Variants in ARID3A observed in about 807,000 individuals in gnomAD.
ARID3A encodes the protein AT-rich interaction domain 3A, also known as AT-rich interactive domain-containing protein 3A.
A neutral mutation model predicts 52.7 loss-of-function variants in ARID3A; 11 were observed. The observed-to-expected ratio is 0.21, with a 90% CI of 0.13 to 0.35. ARID3A has a LOEUF of 0.35. ARID3A is among the 10% of genes least tolerant of loss of function. ARID3A has a pLI of 1.00. For synonymous variants in ARID3A, 404 were observed against 359.4 expected, an observed-to-expected ratio of 1.12 and a Z score of -1.40; for missense variants, 721 against 838.5, an observed-to-expected ratio of 0.86 and a Z score of 1.73.
chr19:952,750 G>C (rs891961914), intron 3 of ARID3A, among the ~76,000 whole-genome samples: 1 of 152,066 alleles, frequency 6.6e-6, no homozygotes, highest in Non-Finnish European at 1.5e-5. Flanking sequence ...TGGGAGACTG[G>C]AGGGGGCCTG....
chr19:974,778 G>A lies in ARID3A; in HGVS notation c.*2713G>A, dbSNP rs745715283. ...AATCCTGCGTGTCGTGTCTGTGGGCGATCCGGCCTCCCGGCGGTGGGTGGA... is the reference window on the plus strand; with the variant it reads ...AATCCTGCGTGTCGTGTCTGTGGGCAATCCGGCCTCCCGGCGGTGGGTGGA... On this transcript the variant is annotated 3_prime_UTR_variant, in exon 9 of 9. Transcript: ENST00000263620. 2 of 218,580 alleles carry A rather than the reference G, an allele frequency of 9.1e-6. No individual in the cohort carries two copies. Among genetic ancestry groups the A allele is most frequent in the Middle Eastern group, 1.4e-3 (1 of 696 alleles). 13.5% of individuals were successfully genotyped at this position (218,580 alleles called of 1,614,324 possible).
In ARID3A at chr19:970,717, C is replaced by G. The variant is rs77819124; in HGVS notation, c.1595-1161C>G. Among the ~76,000 whole-genome samples, 781 of 152,042 alleles carry G rather than the reference C, an allele frequency of 5.1e-3. 52 individuals are homozygous for G. The East Asian group carries it at 0.13, about 25-fold the overall frequency. ...CTCGAACTCCTGACTTCGTGATCTG[C>G]TGGTCTTGGCCTCCCAAAGTGCTGG... is the stretch of plus-strand genomic sequence containing the variant. On this transcript the variant is annotated intron_variant, in intron 8 of 8. Transcript: ENST00000263620.
At chr19:927,759 G>A (rs933517146) in intron 1 of ARID3A, among the ~76,000 whole-genome samples, 1 of 152,062 alleles carries the variant, frequency 6.6e-6, no homozygotes, top group African/African-American at 2.4e-5. Context: ...CCTCCGGACC[G>A]CCAGGCTCTC....
chr19:975,045 G>A lies in ARID3A; in HGVS notation c.*2980G>A, dbSNP rs1030916455. ...GCTCCTCCCTGCCTCAGGTGGCCCCGTTCAACCCCAGCCGTGCCCATCTCC... is the reference window on the plus strand; with the variant it reads ...GCTCCTCCCTGCCTCAGGTGGCCCCATTCAACCCCAGCCGTGCCCATCTCC... On this transcript the variant is annotated 3_prime_UTR_variant, in exon 9 of 9. Transcript: ENST00000263620. 3.4e-5 allele frequency: 8 copies of A among 232,334 alleles called. No individual in the cohort carries two copies. The highest frequency in any genetic ancestry group is 1.8e-4 in the South Asian group (1 of 5,530). 14.4% of individuals were successfully genotyped at this position (232,334 alleles called of 1,614,324 possible). A position where few individuals can be genotyped will look rare whatever the true frequency, so the allele number is the denominator to read the frequency against.
rs533720923 is a variant in ARID3A, at chr19:929,481, CGTGGTGGTGGTG to C, written c.-28_-17del. The C allele has an allele frequency of 3.1e-5, 43 of 1,392,706 alleles. No individual in the cohort carries two copies. Among genetic ancestry groups the C allele is most frequent in the South Asian group, 1.5e-4 (11 of 75,688 alleles). The allele number at this position is 1,392,706 out of a possible 1,614,324, so 86.3% of individuals were successfully genotyped here. A position where few individuals can be genotyped will look rare whatever the true frequency, so the allele number is the denominator to read the frequency against. On this transcript the variant is annotated 5_prime_UTR_variant, in exon 2 of 9. Coordinates refer to ENST00000263620, the MANE Select transcript of ARID3A (RefSeq NM_005224.3). The surrounding 1 kb of genome is among the most constrained non-coding windows in gnomAD (Gnocchi z 6.2). ...GCCCCCGCCGCCCACCCCTAGCGCC[CGTGGTGGTGGTG>C]GTGGTGGTGGTGGTGGTGGCCCGGG...
chr19:974,732 G>A lies in ARID3A; in HGVS notation c.*2667G>A, dbSNP rs1452736644. 4.7e-5 allele frequency: 11 copies of A among 231,624 alleles called. No individual in the cohort carries two copies. The highest frequency in any genetic ancestry group is 1.1e-4 in the African/African-American group (5 of 45,162). The allele number at this position is 231,624 out of a possible 1,614,324, so 14.3% of individuals were successfully genotyped here. ...GGTCGAGGGCTGGGTCGTCTCCCTC[G>A]GGCTGCGTGTGTGTGTCGGGAATCC... On this transcript the variant is annotated 3_prime_UTR_variant, in exon 9 of 9. Coordinates refer to ENST00000263620, the MANE Select transcript of ARID3A (RefSeq NM_005224.3).
intron 3 of ARID3A, among the ~76,000 whole-genome samples, chr19:936,782 A>C (rs938716134): frequency 6.6e-6 from 1 of 152,086 alleles, no homozygotes. Flanking sequence ...CAGAGGTTAC[A>C]GTGAGCCGAG....
chr19:964,780 G>A lies in ARID3A; in HGVS notation c.951-53G>A. 6.3e-7 allele frequency: 1 copy of A among 1,578,340 alleles called. No individual in the cohort carries two copies. Among genetic ancestry groups the A allele is most frequent in the East Asian group, 2.3e-5 (1 of 44,380 alleles). On this transcript the variant is annotated intron_variant, in intron 5 of 8. Transcript: ENST00000263620. This position sits in a 1 kb window ranked among gnomAD's most constrained non-coding sequence, Gnocchi z 5.7. ...GGTTTACTTTGTACTGAAGGCCAAA[G>A]AGAGCCGTAGGGGTGACCCGGGTGC...
At chr19:927,078 G>A (rs2037216240) in intron 1 of ARID3A, among the ~76,000 whole-genome samples, 1 of 151,972 alleles carries the variant, frequency 6.6e-6, no homozygotes, top group African/African-American at 2.4e-5. Flanking sequence ...GGAGTGAGGG[G>A]CCCCTTTCGC....
chr19:948,702 C>CT (rs35592836), intron 3 of ARID3A, among the ~76,000 whole-genome samples: 4,465 of 77,260 alleles, frequency 0.058, 293 homozygotes, highest in East Asian at 0.15. Flanking sequence ...GGCCTGGAGT[C>CT]TTTTTTTTTT....
chr19:926,581 T>G (rs969656345), intron 1 of ARID3A, among the ~76,000 whole-genome samples: 2 of 150,638 alleles, frequency 1.3e-5, no homozygotes, highest in African/African-American at 4.9e-5. Flanking sequence ...GGAGGGAGGG[T>G]AGTTCCCGGC....
At chr19:967,039 C>T (rs113694577) in intron 7 of ARID3A, among the ~76,000 whole-genome samples, 171 bp downstream of exon 7, 1 of 152,086 alleles carries the variant, frequency 6.6e-6, no homozygotes, top group Non-Finnish European at 1.5e-5. Context: ...GGGTGGATCA[C>T]TTGAGGTCAG....
At position 973,022 on chromosome 19, in the gene ARID3A, G is replaced by A. The variant is rs570271417; in HGVS notation, c.*957G>A. 109 of 194,518 alleles carry A rather than the reference G, an allele frequency of 5.6e-4. No homozygotes were observed. Among genetic ancestry groups the A allele is most frequent in the African/African-American group, 2.4e-3 (103 of 42,914 alleles). The allele number at this position is 194,518 out of a possible 1,614,324, so 12.0% of individuals were successfully genotyped here. On this transcript the variant is annotated 3_prime_UTR_variant, in exon 9 of 9. Coordinates refer to ENST00000263620, the MANE Select transcript of ARID3A (RefSeq NM_005224.3). ...TCCCACCGGCCAGGGGCCCCTGACA[G>A]TGAATTGCTGACTGTGATATTCCAC...
Position 975,594 on chromosome 19 carries a change from GA to G in ARID3A, c.*3542del, listed in dbSNP as rs557979220. 3.9e-3 allele frequency: 639 copies of G among 162,920 alleles called. No homozygotes were observed. Among genetic ancestry groups the G allele is most frequent in the East Asian group, 9.2e-3 (86 of 9,330 alleles). 10.1% of individuals were successfully genotyped at this position (162,920 alleles called of 1,614,324 possible). A position where few individuals can be genotyped will look rare whatever the true frequency, so the allele number is the denominator to read the frequency against. ...ACGCCTGAAACTCAGGTAATAGGAG[GA>G]AAAAAAAAAAAACTTAAAAAAATTT... On this transcript the variant is annotated 3_prime_UTR_variant, in exon 9 of 9. Transcript: ENST00000263620.
intron 3 of ARID3A, among the ~76,000 whole-genome samples, chr19:956,254 C>T (rs2037915025): frequency 6.6e-6 from 1 of 152,150 alleles, no homozygotes; most frequent in South Asian, 2.1e-4. Flanking sequence ...CTGTCCCCCT[C>T]TCCGCCCTGT....
At position 944,037 on chromosome 19, in the gene ARID3A, C is replaced by T. The variant is rs563617399; in HGVS notation, c.693+11295C>T. Among the ~76,000 whole-genome samples the T allele has an allele frequency of 8.5e-6, 1 of 117,332 alleles. No homozygotes were observed. The highest frequency in any genetic ancestry group is 2.6e-4 in the East Asian group (1 of 3,874). The allele number at this position is 117,332 out of a possible 152,430, so 77.0% of individuals were successfully genotyped here. A position where few individuals can be genotyped will look rare whatever the true frequency, so the allele number is the denominator to read the frequency against. On this transcript the variant is annotated intron_variant, in intron 3 of 8. Transcript: ENST00000263620. This position sits in a 1 kb window ranked among gnomAD's most constrained non-coding sequence, Gnocchi z 5.9. ...GGCACCTGTTGTATGCCAGCCTGAC[C>T]CTCTCATGGGCACTTACGGGGCATC...
At position 944,228 on chromosome 19, in the gene ARID3A, C is replaced by T. The variant is rs1305149738; in HGVS notation, c.693+11486C>T. On this transcript the variant is annotated intron_variant, in intron 3 of 8. Coordinates refer to ENST00000263620, the MANE Select transcript of ARID3A (RefSeq NM_005224.3). The surrounding 1 kb of genome is among the most constrained non-coding windows in gnomAD (Gnocchi z 5.9). ...AGCTCCTGCCGCCGGCACTGGAGTC[C>T]TGACGTCGGCAGCGCGGTGGAGGGC... Among the ~76,000 whole-genome samples, 1 of 151,954 alleles carries T rather than the reference C, an allele frequency of 6.6e-6. No individual in the cohort carries two copies. Among genetic ancestry groups the T allele is most frequent in the Non-Finnish European group, 1.5e-5 (1 of 68,042 alleles).
At position 947,381 on chromosome 19, in the gene ARID3A, G is replaced by A. The variant is rs1035016069; in HGVS notation, c.694-12711G>A. Among the ~76,000 whole-genome samples the A allele has an allele frequency of 6.6e-6, 1 of 152,160 alleles. No individual in the cohort carries two copies. Among genetic ancestry groups the A allele is most frequent in the South Asian group, 2.1e-4 (1 of 4,832 alleles). On this transcript the variant is annotated intron_variant, in intron 3 of 8. Coordinates refer to ENST00000263620, the MANE Select transcript of ARID3A (RefSeq NM_005224.3). The surrounding 1 kb of genome is among the most constrained non-coding windows in gnomAD (Gnocchi z 6.3). ...CTGCACCAACTTTCTGGAAGTGCCT[G>A]TCAGCTGATCCCACCCCGGCCACAT...
At chr19:969,848 C>A (rs1032770920) in intron 8 of ARID3A, among the ~76,000 whole-genome samples, 1 of 151,086 alleles carries the variant, frequency 6.6e-6, no homozygotes, top group Non-Finnish European at 1.5e-5. Flanking sequence ...GTCACCACAC[C>A]CAGCTAATTT....
Sources: gnomAD v4.1 joint callset for allele counts (sites outside exome capture counted in the v4.1 genomes callset) on GRCh38, gnomAD v4.1.1 for gene constraint, Gnocchi (gnomAD v3.1) non-coding constraint, MANE v1.5 for transcripts, NCBI Gene and HGNC (gene_info 2026-07-23, HGNC 2026-07-21) for gene names.